The following CFAP299 variants were observed in gnomAD, a reference collection of about 807,000 sequenced individuals.
CFAP299 encodes the protein cilia and flagella associated protein 299.
In CFAP299, 21 loss-of-function variants were observed where a neutral mutation model predicts 27.0. The observed-to-expected ratio is 0.78, with a 90% confidence interval of 0.55 to 1.12. CFAP299 has a LOEUF of 1.12. CFAP299 is among the 50% of genes most tolerant of loss of function. The pLI is 0.00. For synonymous variants in CFAP299, 104 were observed against 98.1 expected, an observed-to-expected ratio of 1.06 and a Z score of -0.36; for missense variants, 310 against 276.6, an observed-to-expected ratio of 1.12 and a Z score of -0.86.
intron 3 of CFAP299, among the ~76,000 whole-genome samples, chr4:80,854,837 A>AC (rs1553899956): frequency 3.9e-5 from 5 of 126,920 alleles, no homozygotes; most frequent in African/African-American, 1.6e-4. Context: ...AAAAAAAAAA[A>AC]CAGAAAAGGA....
At chr4:80,340,950 A>G (rs1049452043) in intron 1 of CFAP299, among the ~76,000 whole-genome samples, 1 of 151,968 alleles carries the variant, frequency 6.6e-6, no homozygotes, top group Non-Finnish European at 1.5e-5. Context: ...TAATTTTTGT[A>G]TTTTTAGTAG....
chr4:80,899,546 GCCA>G (rs1560468462), intron 4 of CFAP299, among the ~76,000 whole-genome samples: 1 of 152,150 alleles, frequency 6.6e-6, no homozygotes, highest in African/African-American at 2.4e-5. Context: ...CAAAGAAGTG[GCCA>G]CCTGTTGACT....
chr4:80,449,777 TA>T (rs1388507991), intron 2 of CFAP299, among the ~76,000 whole-genome samples: 1 of 151,846 alleles, frequency 6.6e-6, no homozygotes, highest in Non-Finnish European at 1.5e-5. Flanking sequence ...TTTAAGAAAT[TA>T]ATTTTCTGAA....
At chr4:80,864,464 A>G (rs2110162284) in intron 3 of CFAP299, among the ~76,000 whole-genome samples, 1 of 143,884 alleles carries the variant, frequency 7.0e-6, no homozygotes, top group East Asian at 2.0e-4. Context: ...ATAAGTATAT[A>G]TATACCTATG....
intron 1 of CFAP299, among the ~76,000 whole-genome samples, chr4:80,341,051 C>T (rs1302644692): frequency 6.6e-6 from 1 of 152,226 alleles, no homozygotes; most frequent in Non-Finnish European, 1.5e-5. Flanking sequence ...GCCAGGATTA[C>T]AGGTGTGAGC....
chr4:80,907,819 T>A (rs969371825), intron 4 of CFAP299, among the ~76,000 whole-genome samples: 2 of 152,072 alleles, frequency 1.3e-5, no homozygotes, highest in Non-Finnish European at 2.9e-5. Flanking sequence ...CTTTGTCAGT[T>A]CTCGAAAGAA....
At chr4:80,501,184 C>A (rs1217145525) in intron 2 of CFAP299, among the ~76,000 whole-genome samples, 1 of 151,904 alleles carries the variant, frequency 6.6e-6, no homozygotes, top group African/African-American at 2.4e-5. Context: ...CTTACCTTAT[C>A]CTTGCTTTTG....
chr4:80,689,731 A>G (rs139671020), intron 3 of CFAP299, among the ~76,000 whole-genome samples: 1,632 of 152,332 alleles, frequency 0.011, 33 homozygotes, highest in African/African-American at 0.035. Flanking sequence ...TGCTCCAATT[A>G]AAAGACATAG....
At chr4:80,587,808 T>C (rs1431228008) in intron 3 of CFAP299, among the ~76,000 whole-genome samples, 4 of 152,166 alleles carry the variant, frequency 2.6e-5, no homozygotes, top group African/African-American at 9.6e-5. Flanking sequence ...CCCAGGCTAG[T>C]CTTGAACACC....
chr4:80,454,860 TG>T (rs762649065), intron 2 of CFAP299, among the ~76,000 whole-genome samples: 1 of 151,890 alleles, frequency 6.6e-6, no homozygotes, highest in Non-Finnish European at 1.5e-5. Context: ...GATAACATGG[TG>T]GGTAGGGGGT....
chr4:80,438,388 T>G (rs1279838172), intron 2 of CFAP299, among the ~76,000 whole-genome samples: 3 of 152,192 alleles, frequency 2.0e-5, no homozygotes, highest in African/African-American at 7.2e-5. Flanking sequence ...GCTTATCTGT[T>G]TCATGTCCAG....
At chr4:80,707,568 C>A (rs1419359590) in intron 3 of CFAP299, among the ~76,000 whole-genome samples, 1 of 152,008 alleles carries the variant, frequency 6.6e-6, no homozygotes. Flanking sequence ...ATAGTCATAA[C>A]ACACCATAAG....
intron 4 of CFAP299, among the ~76,000 whole-genome samples, chr4:80,923,078 A>C (rs1457621049): frequency 1.3e-5 from 2 of 152,054 alleles, no homozygotes; most frequent in Non-Finnish European, 2.9e-5. Context: ...GTTTACATTT[A>C]GATAATCTGC....
chr4:80,345,347 T>C (rs917538375), intron 1 of CFAP299, among the ~76,000 whole-genome samples: 2 of 152,010 alleles, frequency 1.3e-5, no homozygotes, highest in Admixed American at 1.3e-4. Flanking sequence ...CATATGTATA[T>C]ATGTGCCATG....
In CFAP299 at chr4:80,583,057, T is replaced by C. The variant is rs374358632; in HGVS notation, c.243-36T>C. 6 of 1,352,064 alleles carry C rather than the reference T, an allele frequency of 4.4e-6. No individual in the cohort carries two copies. In the African/African-American group the frequency reaches 7.3e-5, roughly 17 times the overall value. 83.8% of individuals were successfully genotyped at this position (1,352,064 alleles called of 1,614,324 possible). ...CAGAGTGTTGGAAACATATTTGTTA[T>C]CTAATATATTATAACTGAAGATCTG... On this transcript the variant is annotated intron_variant, in intron 2 of 5. Coordinates refer to ENST00000358105, the MANE Select transcript of CFAP299 (RefSeq NM_152770.3).
At chr4:80,889,932 T>A (rs1054894601) in intron 4 of CFAP299, among the ~76,000 whole-genome samples, 1 of 152,066 alleles carries the variant, frequency 6.6e-6, no homozygotes, top group Non-Finnish European at 1.5e-5. Flanking sequence ...CACCTCTTAA[T>A]GATAAGAATC....
At chr4:80,867,860 A>G (rs892327165) in intron 3 of CFAP299, among the ~76,000 whole-genome samples, 21 of 152,206 alleles carry the variant, frequency 1.4e-4, no homozygotes, top group African/African-American at 5.1e-4. Context: ...AACCCATGGC[A>G]CTATCTTTAC....
intron 3 of CFAP299, among the ~76,000 whole-genome samples, chr4:80,809,131 G>T (rs1172015266): frequency 6.6e-6 from 1 of 152,108 alleles, no homozygotes; most frequent in East Asian, 1.9e-4. Flanking sequence ...ATTTATAGCT[G>T]GGGCTATCTA....
intron 3 of CFAP299, among the ~76,000 whole-genome samples, chr4:80,860,446 G>A (rs967418910): frequency 4.6e-5 from 7 of 152,128 alleles, no homozygotes; most frequent in African/African-American, 1.7e-4. Flanking sequence ...TTCCATTGCT[G>A]GTGAGGAACT....
Sources: allele counts gnomAD v4.1 joint callset (sites outside exome capture counted in the v4.1 genomes callset), GRCh38; gene constraint gnomAD v4.1.1; transcripts MANE v1.5; gene names NCBI Gene and HGNC (gene_info 2026-07-23, HGNC 2026-07-21).